Variants in FOXN3 observed in about 807,000 individuals in gnomAD.
FOXN3 encodes forkhead box protein N3.
A neutral mutation model predicts 38.4 loss-of-function variants in FOXN3; 7 were observed. The ratio of observed to expected loss-of-function variants is 0.18; its 90% confidence interval spans 0.10 to 0.34. The LOEUF is 0.34. FOXN3 is among the 10% of genes least tolerant of loss of function. FOXN3 has a pLI of 1.00. For synonymous variants in FOXN3, 230 were observed against 242.2 expected (o/e 0.95, Z 0.47); for missense variants, 456 against 613.4 (o/e 0.74, Z 2.71).
chr14:89,171,275 G>A (rs920439507), intron 5 of FOXN3, among the ~76,000 whole-genome samples: 4 of 152,146 alleles, frequency 2.6e-5, no homozygotes, highest in South Asian at 4.1e-4. Context: ...TTATCATTAC[G>A]TAAATTAAAT....
chr14:89,328,163 C>T lies in FOXN3; in HGVS notation c.680+22509G>A, dbSNP rs577368510. Among the ~76,000 whole-genome samples, 7 of 152,350 alleles carry T rather than the reference C, an allele frequency of 4.6e-5. No homozygotes were observed. In the South Asian group the frequency reaches 1.4e-3, roughly 32 times the overall value. ...TGTTACATTAGATTTGTTTACAAGT[C>T]CATCTTTCTAACTGGAGGTGTACGC... is the stretch of plus-strand genomic sequence containing the variant. On this transcript the variant is annotated intron_variant, in intron 3 of 5. Transcript: ENST00000557258.
chr14:89,340,559 A>G (rs1473226046), intron 3 of FOXN3, among the ~76,000 whole-genome samples: 2 of 152,174 alleles, frequency 1.3e-5, no homozygotes, highest in East Asian at 3.8e-4. Context: ...AACCTTATGT[A>G]AGAAAAACAA....
At chr14:89,394,208 C>T (rs948723296) in intron 2 of FOXN3, among the ~76,000 whole-genome samples, 4 of 143,384 alleles carry the variant, frequency 2.8e-5, no homozygotes, top group African/African-American at 1.1e-4. Context: ...TGGGGATCGA[C>T]GTTCTTTTTT....
At chr14:89,230,931 C>T (rs1184341378) in intron 4 of FOXN3, 1 of 453,982 alleles carries the variant, frequency 2.2e-6, no homozygotes, top group Non-Finnish European at 4.4e-6. Context: ...AGCCTCGCAG[C>T]AACCCTGTGA....
At chr14:89,200,252 C>T (rs780692382) in intron 4 of FOXN3, among the ~76,000 whole-genome samples, 1 of 152,216 alleles carries the variant, frequency 6.6e-6, no homozygotes, top group Non-Finnish European at 1.5e-5. Flanking sequence ...AACAGTATCA[C>T]AGTGAACCCT....
At chr14:89,376,294 C>T (rs906086705) in intron 2 of FOXN3, among the ~76,000 whole-genome samples, 2 of 152,084 alleles carry the variant, frequency 1.3e-5, no homozygotes, top group African/African-American at 4.8e-5. Context: ...ATAATTTGAG[C>T]ATCAAAACAA....
chr14:89,306,580 C>G (rs1169265149), intron 3 of FOXN3, among the ~76,000 whole-genome samples: 2 of 152,188 alleles, frequency 1.3e-5, no homozygotes, highest in South Asian at 2.1e-4. Context: ...TGTTAGCCAG[C>G]ATGGTCTCAA....
intron 2 of FOXN3, among the ~76,000 whole-genome samples, chr14:89,353,095 GC>G (rs1429664894): frequency 1.3e-5 from 2 of 152,216 alleles, no homozygotes; most frequent in Non-Finnish European, 2.9e-5. Context: ...AGAGAGGCAG[GC>G]TGAAGAATAG....
chr14:89,353,072 T>C (rs1234061605), intron 2 of FOXN3, among the ~76,000 whole-genome samples: 1 of 152,112 alleles, frequency 6.6e-6, no homozygotes, highest in East Asian at 1.9e-4. Context: ...CACAAGGTAA[T>C]TGATCCAGAT....
At chr14:89,202,324 CCTCA>C (rs1344048307) in intron 4 of FOXN3, among the ~76,000 whole-genome samples, 1 of 152,238 alleles carries the variant, frequency 6.6e-6, no homozygotes, top group African/African-American at 2.4e-5. Context: ...GAGAACAAAA[CCTCA>C]CTGTGTTCTT....
intron 1 of FOXN3, among the ~76,000 whole-genome samples, chr14:89,588,052 G>C (rs1285515787): frequency 2.6e-5 from 4 of 152,030 alleles, no homozygotes; most frequent in African/African-American, 7.2e-5. Flanking sequence ...GAGGTGACTG[G>C]ATCATGGGGA....
Position 89,538,662 on chromosome 14 carries a change from G to T in FOXN3, c.-15+80366C>A, listed in dbSNP as rs374332616. Among the ~76,000 whole-genome samples, 479 of 152,024 alleles carry T rather than the reference G, an allele frequency of 3.2e-3. 3 individuals carry two copies. The highest frequency in any genetic ancestry group is 0.011 in the African/African-American group (466 of 41,490). ...GCCTCCCAAGTAGCTGGGATTACAGGCATGCGCCACCACGCCTGGCTAATT... is the reference window on the plus strand; with the variant it reads ...GCCTCCCAAGTAGCTGGGATTACAGTCATGCGCCACCACGCCTGGCTAATT... On this transcript the variant is annotated intron_variant, in intron 1 of 6. Transcript: ENST00000345097.
At chr14:89,443,639 G>C (rs1892432924) in intron 1 of FOXN3, among the ~76,000 whole-genome samples, 1 of 152,206 alleles carries the variant, frequency 6.6e-6, no homozygotes. Flanking sequence ...CCTAAGAGCA[G>C]ATTCAGAGAA....
Position 89,195,497 on chromosome 14 carries a change from T to C in FOXN3, c.746-14691A>G, listed in dbSNP as rs182777243. Reference sequence around the variant, plus strand: ...TCGGACCAAAGACATTGGAGATTTGTGGCTGGAAGCATTTCAGGGAACTGG... The same window carrying C: ...TCGGACCAAAGACATTGGAGATTTGCGGCTGGAAGCATTTCAGGGAACTGG... On this transcript the variant is annotated intron_variant, in intron 4 of 5. Coordinates refer to ENST00000557258, the MANE Select transcript of FOXN3 (RefSeq NM_005197.4). Among the ~76,000 whole-genome samples, 444 of 152,310 alleles carry C rather than the reference T, an allele frequency of 2.9e-3. 2 individuals are homozygous for C. Among genetic ancestry groups the C allele is most frequent in the Non-Finnish European group, 4.8e-3 (324 of 68,022 alleles).
At chr14:89,460,185 G>A (rs78352156) in intron 1 of FOXN3, among the ~76,000 whole-genome samples, 2 of 152,230 alleles carry the variant, frequency 1.3e-5, no homozygotes, top group East Asian at 1.9e-4. Context: ...TTTCCTGAGC[G>A]TTCCGGGGAA....
Position 89,161,594 on chromosome 14 carries a change from T to TGTGTGTGTGTGTGTGC in FOXN3, c.*819_*820insGCACACACACACACAC, listed in dbSNP as rs1298084016. The TGTGTGTGTGTGTGTGC allele has an allele frequency of 3.6e-5, 5 of 138,448 alleles. No homozygotes were observed. The highest frequency in any genetic ancestry group is 1.3e-4 in the African/African-American group (5 of 37,918). The allele number at this position is 138,448 out of a possible 1,614,324, so 8.6% of individuals were successfully genotyped here. A position where few individuals can be genotyped will look rare whatever the true frequency, so the allele number is the denominator to read the frequency against. On this transcript the variant is annotated 3_prime_UTR_variant, in exon 6 of 6. Transcript: ENST00000557258. ...GTGTGTGTGTGTGTGTGTGTGTGTG[T>TGTGTGTGTGTGTGTGC]GTGCGTGCGTGCACAGGGCCAATCT...
intron 1 of FOXN3, among the ~76,000 whole-genome samples, chr14:89,514,104 AGAT>A (rs1894155618): frequency 6.6e-6 from 1 of 152,130 alleles, no homozygotes; most frequent in South Asian, 2.1e-4. Context: ...TTGAAAGACA[AGAT>A]AATAAGGGGA....
At chr14:89,390,293 T>C (rs1025030584) in intron 2 of FOXN3, among the ~76,000 whole-genome samples, 6 of 139,944 alleles carry the variant, frequency 4.3e-5, no homozygotes, top group African/African-American at 1.3e-4. Context: ...CTCGTTCTCT[T>C]TCTCTCTCTC....
intron 1 of FOXN3, among the ~76,000 whole-genome samples, chr14:89,545,312 G>T (rs576745038): frequency 6.6e-6 from 1 of 152,184 alleles, no homozygotes; most frequent in Non-Finnish European, 1.5e-5. Context: ...GATCTCATTC[G>T]TCGATACGGG....
Sources: allele counts gnomAD v4.1 joint callset (sites outside exome capture counted in the v4.1 genomes callset), GRCh38; gene constraint gnomAD v4.1.1; transcripts MANE v1.5; gene names NCBI Gene and HGNC (gene_info 2026-07-23, HGNC 2026-07-21).